The following SUGP1 variants were observed in gnomAD, a reference collection of about 807,000 sequenced individuals.
SUGP1 encodes the protein SURP and G-patch domain containing 1, also known as SURP and G-patch domain-containing protein 1.
A neutral mutation model predicts 76.5 loss-of-function variants in SUGP1; 34 were observed. The observed-to-expected ratio is 0.44, with a 90% CI of 0.34 to 0.59. The LOEUF is 0.59. Among genes scored for constraint, SUGP1 ranks in the 20% least tolerant of loss-of-function variants. The probability of loss-of-function intolerance (pLI) is 0.01; values close to 1 mark genes in which losing one functional copy is unlikely to be tolerated. For synonymous variants in SUGP1, 326 were observed against 326.2 expected, an observed-to-expected ratio of 1.00 and a Z score of 0.01; for missense variants, 752 against 851.7, an observed-to-expected ratio of 0.88 and a Z score of 1.46.
Position 19,297,250 on chromosome 19 carries a change from T to C in SUGP1, c.982A>G (p.Thr328Ala), listed in dbSNP as rs2146609290. Reference sequence around the variant, plus strand: ...CGCTTCAGGCCGGGATCAGGTGCTGTGAAGCTGCCTGTGGAGCTGGCCTTG... The same window carrying C: ...CGCTTCAGGCCGGGATCAGGTGCTGCGAAGCTGCCTGTGGAGCTGGCCTTG... ...KAKASSTGSF[T>A]APDPGLKRKS... The change falls in exon 8 of 14, where the codon ACA (threonine) becomes GCA (alanine). Residue 328 changes from threonine to alanine, a missense_variant. This residue lies in a region of SUGP1 where 620 missense variants were observed against 617.3 expected (regional missense o/e 1.00). Transcript: ENST00000247001. 1.3e-6 allele frequency: 2 copies of C among 1,584,442 alleles called. No individual in the cohort carries two copies.
At position 19,302,332 on chromosome 19, in the gene SUGP1, T is replaced by G. The variant is rs1474228799; in HGVS notation, c.820A>C (p.Ile274Leu). Residue 274 changes from isoleucine (I) to leucine (L), a missense_variant, in exon 7 of 14, where the codon ATA becomes CTA. Coordinates refer to ENST00000247001, the MANE Select transcript of SUGP1 (RefSeq NM_172231.4). ...KNLAEKLARF[I>L]ADGGPEVETI... is the part of the protein sequence containing the mutation. Reference sequence around the variant, plus strand: ...TCCACCTCGGGACCCCCGTCCGCTATGAACCTGGCCAACTTTTCTGCAAGG... The same window carrying G: ...TCCACCTCGGGACCCCCGTCCGCTAGGAACCTGGCCAACTTTTCTGCAAGG... The G allele has an allele frequency of 6.2e-7, 1 of 1,614,212 alleles. No individual in the cohort carries two copies.
intron 3 of SUGP1, among the ~76,000 whole-genome samples, chr19:19,308,547 T>C (rs988300932): frequency 6.6e-6 from 1 of 152,194 alleles, no homozygotes; most frequent in Non-Finnish European, 1.5e-5. Context: ...CTGGTGGTCA[T>C]TGTTGGGTGC....
chr19:19,286,681 G>A (rs1176595018), intron 8 of SUGP1, among the ~76,000 whole-genome samples: 3 of 152,078 alleles, frequency 2.0e-5, no homozygotes, highest in African/African-American at 7.2e-5. Context: ...CCAGGAGTTT[G>A]AGTCCAGCCC....
At chr19:19,300,732 C>T (rs910975063) in intron 7 of SUGP1, among the ~76,000 whole-genome samples, 7 of 152,258 alleles carry the variant, frequency 4.6e-5, no homozygotes, top group Non-Finnish European at 7.4e-5. Flanking sequence ...TCTGGCTGCC[C>T]GGGGTACCCA....
intron 7 of SUGP1, among the ~76,000 whole-genome samples, chr19:19,301,444 C>T (rs745957840): frequency 6.6e-6 from 1 of 152,188 alleles, no homozygotes; most frequent in Admixed American, 6.5e-5. Flanking sequence ...GCCCACCCTC[C>T]ACGACCTTGG....
rs147819899 is a variant in SUGP1 at position 19,316,159 on chromosome 19, T to C, written c.206+263A>G. On this transcript the variant is annotated intron_variant, in intron 2 of 13. Transcript: ENST00000247001. ...CAAGGCAGAGATTTTTACTCTGTTA[T>C]ACCCCTTCCCTCTGCACCACAGCTG... The C allele has an allele frequency of 3.5e-4, 170 of 483,162 alleles. 1 individual carries two copies. Among genetic ancestry groups the C allele is most frequent in the African/African-American group, 3.1e-3 (158 of 51,362 alleles). 29.9% of individuals were successfully genotyped at this position (483,162 alleles called of 1,614,324 possible). A position where few individuals can be genotyped will look rare whatever the true frequency, so the allele number is the denominator to read the frequency against.
chr19:19,318,857 G>C (rs892383699), intron 1 of SUGP1, among the ~76,000 whole-genome samples: 2 of 152,136 alleles, frequency 1.3e-5, no homozygotes, highest in African/African-American at 4.8e-5. Flanking sequence ...CTTCAGACTA[G>C]GGTGATAGTA....
intron 1 of SUGP1, among the ~76,000 whole-genome samples, chr19:19,318,390 G>C (rs1429037952): frequency 6.7e-6 from 1 of 149,512 alleles, no homozygotes; most frequent in Non-Finnish European, 1.5e-5. Flanking sequence ...AAAGTGCTGG[G>C]ATTACAGGCG....
chr19:19,280,026 A>G (rs1030722131), intron 9 of SUGP1, among the ~76,000 whole-genome samples, 159 bp downstream of exon 9: 2 of 152,106 alleles, frequency 1.3e-5, no homozygotes, highest in African/African-American at 4.8e-5. Context: ...GGGCAGGGGG[A>G]CCTGCCTGCC....
chr19:19,276,781 G>C (rs2061052738), intron 13 of SUGP1, 107 bp from the exon 14 acceptor site: 2 of 1,568,856 alleles, frequency 1.3e-6, no homozygotes, highest in Middle Eastern at 3.4e-4. Context: ...CCTTGAGGTG[G>C]CAGGGCAGGC....
At chr19:19,308,771 C>G (rs1169490627) in intron 3 of SUGP1, among the ~76,000 whole-genome samples, 3 of 152,274 alleles carry the variant, frequency 2.0e-5, no homozygotes, top group South Asian at 2.1e-4. Flanking sequence ...AAGGCTTCAT[C>G]ATGGCTCCAC....
At chr19:19,288,212 C>T (rs2061155881) in intron 8 of SUGP1, among the ~76,000 whole-genome samples, 5 of 152,006 alleles carry the variant, frequency 3.3e-5, no homozygotes. Context: ...GTCATCTAGG[C>T]TGGAGTGCAG....
Position 19,276,371 on chromosome 19 carries a change from A to C in SUGP1, c.*277T>G. ...TGGCCTTCCAGCTTTACTATGCTGA[A>C]AACAACTTTCTTCCTCCCCTCCAGT... On this transcript the variant is annotated 3_prime_UTR_variant, in exon 14 of 14. Coordinates refer to ENST00000247001, the MANE Select transcript of SUGP1 (RefSeq NM_172231.4). 1 of 423,168 alleles carries C rather than the reference A, an allele frequency of 2.4e-6. No homozygotes were observed. 26.2% of individuals were successfully genotyped at this position (423,168 alleles called of 1,614,324 possible).
At chr19:19,288,879 G>A (rs1599851084) in intron 8 of SUGP1, among the ~76,000 whole-genome samples, 1 of 151,964 alleles carries the variant, frequency 6.6e-6, no homozygotes, top group African/African-American at 2.4e-5. Context: ...TCCACCTCCC[G>A]AGTTCAAGCG....
At chr19:19,305,292 C>T (rs2061307789) in intron 4 of SUGP1, among the ~76,000 whole-genome samples, 1 of 152,202 alleles carries the variant, frequency 6.6e-6, no homozygotes. Flanking sequence ...GCTGGACTTG[C>T]TGGCAATGCT....
intron 2 of SUGP1, among the ~76,000 whole-genome samples, chr19:19,311,043 C>T (rs941143335): frequency 2.7e-5 from 4 of 148,538 alleles, no homozygotes; most frequent in African/African-American, 5.0e-5. Flanking sequence ...CTCTGCCTGG[C>T]TAATTTTTTA....
rs1292825088 is a variant in SUGP1, at chr19:19,306,006, G to A, written c.381C>T (p.Leu127=). 3 of 1,611,980 alleles carry A rather than the reference G, an allele frequency of 1.9e-6. No homozygotes were observed. Among genetic ancestry groups the A allele is most frequent in the South Asian group, 1.1e-5 (1 of 90,992 alleles). ...GCCCCAGGCCTGTCCGCCTGCTGAT[G>A]AGCAGGGACCTCTTCCCAGCGCTGG... The part of the protein sequence containing the change: ...PTPSAGKRSL[L]ISRRTGLGLA... Residue 127 remains leucine, a synonymous_variant, in exon 4 of 14, where the codon CTC becomes CTT. Transcript: ENST00000247001.
At chr19:19,277,171 T>G in intron 12 of SUGP1, 95 bp from the exon 13 acceptor site, 1 of 1,266,996 alleles carries the variant, frequency 7.9e-7, no homozygotes, top group South Asian at 1.3e-5. Flanking sequence ...CTCCCGCGGG[T>G]GCAGGGCTGG....
chr19:19,303,557 G>C (rs569371161), intron 5 of SUGP1, 109 bp from the exon 6 acceptor site: 5 of 1,348,730 alleles, frequency 3.7e-6, no homozygotes, highest in Non-Finnish European at 5.3e-6. Flanking sequence ...GCAGGGACCC[G>C]AAAGCAAGTC....
Sources: allele counts gnomAD v4.1 joint callset (sites outside exome capture counted in the v4.1 genomes callset), GRCh38; gene constraint gnomAD v4.1.1; regional missense constraint gnomAD v4.1.1; transcripts MANE v1.5; gene names NCBI Gene and HGNC (gene_info 2026-07-23, HGNC 2026-07-21).